TMEM131L: variants seen among roughly 807,000 people sequenced by gnomAD.
TMEM131L encodes the protein transmembrane 131 like.
A neutral mutation model predicts 192.2 loss-of-function variants in TMEM131L; 54 were observed. That is an observed-to-expected ratio of 0.28 (90% CI 0.23 to 0.35). The LOEUF (loss-of-function observed/expected upper bound fraction) is 0.35, where lower values mean the gene tolerates loss of function less well. Among genes scored for constraint, TMEM131L ranks in the 10% least tolerant of loss-of-function variants. TMEM131L has a pLI of 1.00. For missense variants in TMEM131L, 1,888 were observed against 1,972.9 expected (o/e 0.96, Z 0.82); for synonymous variants, 701 against 704.9 (o/e 0.99, Z 0.09).
intron 3 of TMEM131L, among the ~76,000 whole-genome samples, chr4:153,504,593 T>C (rs1005654294): frequency 1.3e-5 from 2 of 152,112 alleles, no homozygotes; most frequent in African/African-American, 4.8e-5. Flanking sequence ...TGGCCACTTG[T>C]TCTTTATGCT....
intron 5 of TMEM131L, among the ~76,000 whole-genome samples, chr4:153,556,319 TCTC>T (rs1011847321): frequency 1.3e-5 from 2 of 152,154 alleles, no homozygotes; most frequent in Non-Finnish European, 2.9e-5. Context: ...GAAAGTTAGG[TCTC>T]CTTTCTAAAT....
intron 27 of TMEM131L, among the ~76,000 whole-genome samples, chr4:153,621,148 T>G (rs972042693): frequency 6.6e-6 from 1 of 152,224 alleles, no homozygotes; most frequent in African/African-American, 2.4e-5. Flanking sequence ...GGGAAAAGCA[T>G]AAGCCATCCC....
intron 14 of TMEM131L, among the ~76,000 whole-genome samples, chr4:153,587,095 G>A (rs1056641576): frequency 1.5e-4 from 23 of 152,034 alleles, no homozygotes; most frequent in East Asian, 5.8e-4. Flanking sequence ...AGCTGTAAGC[G>A]TACAGATAGG....
At chr4:153,498,609 A>G (rs561786144) in intron 3 of TMEM131L, among the ~76,000 whole-genome samples, 76 of 152,296 alleles carry the variant, frequency 5.0e-4, no homozygotes, top group African/African-American at 1.7e-3. Flanking sequence ...TCTCTTCACA[A>G]GATGCAAATG....
intron 19 of TMEM131L, among the ~76,000 whole-genome samples, chr4:153,595,724 A>AAC (rs1731386824): frequency 6.7e-6 from 1 of 149,666 alleles, no homozygotes; most frequent in Non-Finnish European, 1.5e-5. Flanking sequence ...CAAAAAAAAA[A>AAC]AAAAACACGA....
At chr4:153,480,271 G>T (rs931191973) in intron 3 of TMEM131L, among the ~76,000 whole-genome samples, 1 of 152,246 alleles carries the variant, frequency 6.6e-6, no homozygotes, top group African/African-American at 2.4e-5. Flanking sequence ...CCCGGGAGTC[G>T]GAGCTTGCAG....
chr4:153,602,884 G>A (rs1305207842), intron 23 of TMEM131L, among the ~76,000 whole-genome samples, 157 bp downstream of exon 23: 4 of 152,170 alleles, frequency 2.6e-5, no homozygotes, highest in Non-Finnish European at 4.4e-5. Flanking sequence ...GTATTCACTG[G>A]TACACTTTAA....
At chr4:153,545,974 C>G (rs1265197339) in intron 3 of TMEM131L, among the ~76,000 whole-genome samples, 6 of 152,032 alleles carry the variant, frequency 3.9e-5, no homozygotes, top group Non-Finnish European at 8.8e-5. Context: ...GCTTTGAACT[C>G]CTGGGCTCAA....
intron 31 of TMEM131L, among the ~76,000 whole-genome samples, chr4:153,631,090 T>C (rs1412003802): frequency 6.6e-6 from 1 of 152,242 alleles, no homozygotes; most frequent in African/African-American, 2.4e-5. Flanking sequence ...AGAACCACTT[T>C]GGGTTCTGCC....
At chr4:153,530,695 T>C (rs1210116994) in intron 3 of TMEM131L, among the ~76,000 whole-genome samples, 1 of 152,214 alleles carries the variant, frequency 6.6e-6, no homozygotes, top group East Asian at 1.9e-4. Context: ...TTCGTCCCAC[T>C]GTTTGACTGA....
chr4:153,472,067 C>A (rs904160656), intron 2 of TMEM131L, among the ~76,000 whole-genome samples: 9 of 151,304 alleles, frequency 5.9e-5, no homozygotes, highest in African/African-American at 2.2e-4. Context: ...TAATCAACTT[C>A]CATCAACATT....
chr4:153,488,803 G>C (rs61192430), intron 3 of TMEM131L, among the ~76,000 whole-genome samples: 8,698 of 152,274 alleles, frequency 0.057, 592 homozygotes, highest in East Asian at 0.23. Flanking sequence ...CGCTGCCTCT[G>C]AAACCCTCGG....
rs200845841 is a variant in TMEM131L, at chr4:153,592,467, A to G, written c.1813-8A>G. 262 of 1,606,210 alleles carry G rather than the reference A, an allele frequency of 1.6e-4. 2 individuals are homozygous for G. In the East Asian group the frequency reaches 5.1e-3, roughly 31 times the overall value. ...TCGGGGTTTTAACTTTTCTTTCCTCACACCTAGATCAAGTACTTTGTGGTG... is the reference window on the plus strand; with the variant it reads ...TCGGGGTTTTAACTTTTCTTTCCTCGCACCTAGATCAAGTACTTTGTGGTG... On this transcript the variant is annotated splice_region_variant and splice_polypyrimidine_tract_variant and intron_variant, in intron 17 of 34. Coordinates refer to ENST00000409959, the MANE Select transcript of TMEM131L (RefSeq NM_001131007.2).
intron 26 of TMEM131L, among the ~76,000 whole-genome samples, chr4:153,620,042 T>G (rs765505150): frequency 5.9e-5 from 9 of 152,162 alleles, no homozygotes; most frequent in Non-Finnish European, 1.0e-4. Flanking sequence ...GGAAGAAGAA[T>G]AATAAGGATT....
chr4:153,551,532 T>G (rs1561184286), intron 4 of TMEM131L, among the ~76,000 whole-genome samples: 2 of 152,046 alleles, frequency 1.3e-5, no homozygotes, highest in Non-Finnish European at 2.9e-5. Flanking sequence ...ATTTTTGTAT[T>G]TTTAGTAGAG....
chr4:153,538,860 A>C (rs903740449), intron 3 of TMEM131L, among the ~76,000 whole-genome samples: 12 of 152,186 alleles, frequency 7.9e-5, no homozygotes, highest in Admixed American at 3.3e-4. Flanking sequence ...GGGATCTCCT[A>C]CTCGTGGGAC....
At chr4:153,616,531 CAGGT>C (rs1290519971) in intron 26 of TMEM131L, among the ~76,000 whole-genome samples, 1 of 152,158 alleles carries the variant, frequency 6.6e-6, no homozygotes, top group Non-Finnish European at 1.5e-5. Flanking sequence ...GGTTGAAGCC[CAGGT>C]TTGGAATCCG....
Position 153,550,061 on chromosome 4 carries a change from T to C in TMEM131L, c.240-12T>C. ...AACTACAACAAAATCAACCTCTCTT[T>C]TCTTTTTTTAGCTTCTCGGACAAAC... On this transcript the variant is annotated splice_polypyrimidine_tract_variant and intron_variant, in intron 3 of 34. Transcript: ENST00000409959. 1 of 1,420,792 alleles carries C rather than the reference T, an allele frequency of 7.0e-7. No homozygotes were observed. Among genetic ancestry groups the C allele is most frequent in the South Asian group, 1.4e-5 (1 of 69,692 alleles). The allele number at this position is 1,420,792 out of a possible 1,614,324, so 88.0% of individuals were successfully genotyped here.
At chr4:153,582,232 T>C (rs1301508023) in intron 9 of TMEM131L, among the ~76,000 whole-genome samples, 1 of 151,952 alleles carries the variant, frequency 6.6e-6, no homozygotes, top group African/African-American at 2.4e-5. Context: ...TTTTGTTTGT[T>C]TTTTGGTTTT....
Sources: allele counts gnomAD v4.1 joint callset (sites outside exome capture counted in the v4.1 genomes callset), GRCh38; gene constraint gnomAD v4.1.1; transcripts MANE v1.5; gene names NCBI Gene and HGNC (gene_info 2026-07-23, HGNC 2026-07-21).